VAV1: variants seen among roughly 807,000 people sequenced by gnomAD.
VAV1 encodes the protein proto-oncogene vav.
In VAV1, 33 loss-of-function variants were observed where a neutral mutation model predicts 128.1. That is an observed-to-expected ratio of 0.26 (90% CI 0.20 to 0.34). VAV1 has a LOEUF of 0.34. VAV1 is among the 10% of genes least tolerant of loss of function. The probability of loss-of-function intolerance (pLI) is 1.00; values close to 1 mark genes in which losing one functional copy is unlikely to be tolerated. For synonymous variants in VAV1, 394 were observed against 409.8 expected (o/e 0.96, Z 0.47); for missense variants, 715 against 1,093.7 (o/e 0.65, Z 4.88).
intron 1 of VAV1, among the ~76,000 whole-genome samples, chr19:6,813,207 A>G (rs1437878309): frequency 6.6e-6 from 1 of 152,210 alleles, no homozygotes; most frequent in Non-Finnish European, 1.5e-5. Flanking sequence ...GCAGTCATCT[A>G]AAGGCCTTAG....
In VAV1 at chr19:6,817,495, CA is replaced by C. The variant is rs1373570175; in HGVS notation, c.205-3206del. 7.9e-5 allele frequency among the ~76,000 whole-genome samples: 12 copies of C among 152,110 alleles called. No homozygotes were observed. The East Asian group carries it at 1.7e-3, about 22-fold the overall frequency. On this transcript the variant is annotated intron_variant, in intron 1 of 26. Coordinates refer to ENST00000602142, the MANE Select transcript of VAV1 (RefSeq NM_005428.4). ...ATCCATCTAGTTAACAAACATATAT[CA>C]GGGGCCTCCTACACATAAGGTACTA... is the stretch of plus-strand genomic sequence containing the variant.
Position 6,826,882 on chromosome 19 carries a change from G to T in VAV1, c.927+171G>T. On this transcript the variant is annotated intron_variant, in intron 9 of 26. Transcript: ENST00000602142. The surrounding 1 kb of genome is among the most constrained non-coding windows in gnomAD (Gnocchi z 4.1). ...CCAGCCAAGCAGAGGAAATGGAGAA[G>T]AACAGAAATGGGCTGGCCCTGGGTC... is the stretch of plus-strand genomic sequence containing the variant. 1 of 628,672 alleles carries T rather than the reference G, an allele frequency of 1.6e-6. No homozygotes were observed. The allele number at this position is 628,672 out of a possible 1,614,324, so 38.9% of individuals were successfully genotyped here.
rs533978253 is a variant in VAV1 at position 6,813,442 on chromosome 19, T to C, written c.205-7260T>C. Among the ~76,000 whole-genome samples, 281 of 152,328 alleles carry C rather than the reference T, an allele frequency of 1.8e-3. 1 individual carries two copies. The highest frequency in any genetic ancestry group is 6.8e-3 in the Middle Eastern group (2 of 294). On this transcript the variant is annotated intron_variant, in intron 1 of 26. Transcript: ENST00000602142. ...TGACACATGGCCAGTCTTGGTTCAA[T>C]GTGGGAGGGGATTACAAAAAGGCAT...
intron 1 of VAV1, chr19:6,784,298 T>C (rs748442945): frequency 2.0e-6 from 1 of 506,048 alleles, no homozygotes; most frequent in Admixed American, 2.9e-5. Context: ...CAATGGGATG[T>C]AGAATAAGAA....
chr19:6,835,372 A>G (rs1197309717), intron 19 of VAV1, among the ~76,000 whole-genome samples: 1 of 152,224 alleles, frequency 6.6e-6, no homozygotes, highest in Non-Finnish European at 1.5e-5. Flanking sequence ...GAACATTTCC[A>G]TCCCTCCAGA....
At chr19:6,814,690 T>TCTCTCTCTCTCTCTCTCTC (rs1568299311) in intron 1 of VAV1, among the ~76,000 whole-genome samples, 2 of 123,212 alleles carry the variant, frequency 1.6e-5, no homozygotes, top group African/African-American at 7.4e-5. Context: ...CTTTCTTTCT[T>TCTCTCTCTCTCTCTCTCTC]TCTTTCTTTC....
intron 21 of VAV1, 83 bp from the exon 22 acceptor site, chr19:6,843,052 T>G: frequency 3.5e-6 from 5 of 1,411,570 alleles, no homozygotes; most frequent in Non-Finnish European, 5.0e-6. Context: ...AATGAGTGAA[T>G]GAATGAATGA....
Position 6,772,737 on chromosome 19 carries a change from G to A in VAV1, c.-71G>A. The A allele has an allele frequency of 6.6e-7, 1 of 1,520,352 alleles. No individual in the cohort carries two copies. The highest frequency in any genetic ancestry group is 8.9e-7 in the Non-Finnish European group (1 of 1,120,566). 94.2% of individuals were successfully genotyped at this position (1,520,352 alleles called of 1,614,324 possible). A position where few individuals can be genotyped will look rare whatever the true frequency, so the allele number is the denominator to read the frequency against. On this transcript the variant is annotated 5_prime_UTR_variant, in exon 1 of 27. Coordinates refer to ENST00000602142, the MANE Select transcript of VAV1 (RefSeq NM_005428.4). The surrounding 1 kb of genome is among the most constrained non-coding windows in gnomAD (Gnocchi z 4.8). ...CTAGCTGTCGCTCCACAGGCGAGCA[G>A]GGCAGGCGTGCGGGCGGGTGGGTGG...
At chr19:6,779,967 C>T (rs1407303380) in intron 1 of VAV1, among the ~76,000 whole-genome samples, 2 of 149,010 alleles carry the variant, frequency 1.3e-5, no homozygotes, top group African/African-American at 2.4e-5. Context: ...AAAAATTAGC[C>T]GGGCGTGGTT....
At chr19:6,799,865 A>T (rs1971225769) in intron 1 of VAV1, among the ~76,000 whole-genome samples, 1 of 150,562 alleles carries the variant, frequency 6.6e-6, no homozygotes, top group East Asian at 2.0e-4. Context: ...AAAAAAAAAA[A>T]AGGAAAGAAA....
chr19:6,792,012 G>A (rs573173124), intron 1 of VAV1, among the ~76,000 whole-genome samples: 3 of 152,056 alleles, frequency 2.0e-5, no homozygotes, highest in East Asian at 3.9e-4. Flanking sequence ...TGGAACTTAA[G>A]GGGGGGATGG....
At chr19:6,792,731 G>T (rs1279354698) in intron 1 of VAV1, among the ~76,000 whole-genome samples, 2 of 152,014 alleles carry the variant, frequency 1.3e-5, no homozygotes, top group Admixed American at 6.6e-5. Context: ...TTAACTAAGG[G>T]GTGGTGTGGG....
chr19:6,837,799 G>A (rs1423646780), intron 21 of VAV1, among the ~76,000 whole-genome samples: 2 of 151,996 alleles, frequency 1.3e-5, no homozygotes, highest in Non-Finnish European at 2.9e-5. Flanking sequence ...TGCAGACGAC[G>A]TTCCCCTTTA....
chr19:6,829,239 G>C (rs1299922613), intron 13 of VAV1, among the ~76,000 whole-genome samples: 1 of 151,410 alleles, frequency 6.6e-6, no homozygotes, highest in Non-Finnish European at 1.5e-5. Context: ...GCTCCTAGAT[G>C]GGTAGGTGAG....
intron 21 of VAV1, among the ~76,000 whole-genome samples, chr19:6,842,017 G>A (rs1972390338): frequency 6.6e-6 from 1 of 151,766 alleles, no homozygotes; most frequent in African/African-American, 2.4e-5. Context: ...CCTGAGCTCG[G>A]GAGTTTGAGA....
At chr19:6,804,030 CTG>C (rs1390829306) in intron 1 of VAV1, among the ~76,000 whole-genome samples, 7 of 152,000 alleles carry the variant, frequency 4.6e-5, no homozygotes, top group African/African-American at 1.7e-4. Context: ...AAAGGCAAAA[CTG>C]TAGAAGCAGT....
chr19:6,820,447 T>C lies in VAV1; in HGVS notation c.205-255T>C, dbSNP rs954775680. ...TTTATGGCTGAATAATATTCCATTG[T>C]ATGGATATACCACATTTGTTTAACC... On this transcript the variant is annotated intron_variant, in intron 1 of 26. Coordinates refer to ENST00000602142, the MANE Select transcript of VAV1 (RefSeq NM_005428.4). The surrounding 1 kb of genome is among the most constrained non-coding windows in gnomAD (Gnocchi z 4.4). Among the ~76,000 whole-genome samples, 4 of 152,352 alleles carry C rather than the reference T, an allele frequency of 2.6e-5. 1 individual carries two copies.
intron 1 of VAV1, among the ~76,000 whole-genome samples, chr19:6,797,060 T>C (rs11085202): frequency 0.072 from 10,951 of 151,824 alleles, 1,236 homozygotes; most frequent in African/African-American, 0.24. Flanking sequence ...GACAAAACCC[T>C]GTCTCCACTA....
At position 6,833,335 on chromosome 19, in the gene VAV1, C is replaced by T. The variant is rs554678595; in HGVS notation, c.1610+50C>T. ...GCATACCGGACTTGGTCATCAGTTC[C>T]TTGCTAGAGAAGATGGCCTAGTAAT... On this transcript the variant is annotated intron_variant, in intron 16 of 26. Coordinates refer to ENST00000602142, the MANE Select transcript of VAV1 (RefSeq NM_005428.4). The T allele has an allele frequency of 5.7e-5, 88 of 1,551,242 alleles. 1 individual carries two copies. The South Asian group carries it at 1.0e-3, about 18-fold the overall frequency.
Sources: gnomAD v4.1 joint callset for allele counts (sites outside exome capture counted in the v4.1 genomes callset) on GRCh38, gnomAD v4.1.1 for gene constraint, Gnocchi (gnomAD v3.1) non-coding constraint, MANE v1.5 for transcripts, NCBI Gene and HGNC (gene_info 2026-07-23, HGNC 2026-07-21) for gene names.